IPO11: variants seen among roughly 807,000 people sequenced by gnomAD.
IPO11 encodes the protein importin 11.
IPO11 carries 66 observed loss-of-function variants against 143.2 expected under a neutral mutation model. The observed-to-expected ratio is 0.46, with a 90% CI of 0.38 to 0.57. The LOEUF is 0.57. Among genes scored for constraint, IPO11 ranks in the 20% least tolerant of loss-of-function variants. The pLI, the probability that IPO11 is intolerant of heterozygous loss-of-function variation, is 0.00. For synonymous variants in IPO11, 385 were observed against 377.8 expected, an observed-to-expected ratio of 1.02 and a Z score of -0.22; for missense variants, 1,026 against 1,141.0, an observed-to-expected ratio of 0.90 and a Z score of 1.45.
At chr5:62,431,961 A>G (rs948061780) in intron 1 of IPO11, among the ~76,000 whole-genome samples, 5 of 151,558 alleles carry the variant, frequency 3.3e-5, no homozygotes, top group Non-Finnish European at 7.4e-5. Context: ...ACATACATAC[A>G]TACATACATA....
intron 27 of IPO11, among the ~76,000 whole-genome samples, chr5:62,574,097 G>C (rs1191750928): frequency 6.6e-6 from 1 of 152,158 alleles, no homozygotes; most frequent in Non-Finnish European, 1.5e-5. Flanking sequence ...AATACAAACA[G>C]TGACTCCCAA....
At chr5:62,511,277 G>A (rs1465357631) in intron 19 of IPO11, among the ~76,000 whole-genome samples, 1 of 151,980 alleles carries the variant, frequency 6.6e-6, no homozygotes, top group African/African-American at 2.4e-5. Flanking sequence ...AGATTGTGTT[G>A]TCATATGCTT....
chr5:62,447,820 C>G (rs1285263302), intron 3 of IPO11, among the ~76,000 whole-genome samples: 1 of 152,118 alleles, frequency 6.6e-6, no homozygotes, highest in Non-Finnish European at 1.5e-5. Context: ...CTCCTGAGCT[C>G]AAGCAGTCCA....
intron 5 of IPO11, among the ~76,000 whole-genome samples, chr5:62,453,233 G>C (rs1392622158): frequency 6.6e-6 from 1 of 150,836 alleles, no homozygotes; most frequent in Non-Finnish European, 1.5e-5. Flanking sequence ...GCTTTTCCTT[G>C]GGAGCTTCCA....
intron 27 of IPO11, among the ~76,000 whole-genome samples, chr5:62,585,609 T>C (rs1744744257): frequency 6.6e-6 from 1 of 152,276 alleles, no homozygotes; most frequent in Non-Finnish European, 1.5e-5. Context: ...GGAAAGTTAC[T>C]GAAAGGTATA....
chr5:62,551,019 GTATATA>G (rs373267363), intron 25 of IPO11, among the ~76,000 whole-genome samples, 198 bp from the exon 26 acceptor site: 1 of 144,334 alleles, frequency 6.9e-6, no homozygotes, highest in Non-Finnish European at 1.5e-5. Context: ...TCTCTTTATT[GTATATA>G]TATATATATA....
chr5:62,439,123 G>T (rs1198912951), intron 2 of IPO11, among the ~76,000 whole-genome samples: 2 of 150,822 alleles, frequency 1.3e-5, no homozygotes, highest in East Asian at 3.9e-4. Flanking sequence ...AAATGAATAT[G>T]CTCTATAATT....
intron 22 of IPO11, among the ~76,000 whole-genome samples, chr5:62,535,702 A>C (rs975726233): frequency 6.6e-6 from 1 of 152,160 alleles, no homozygotes; most frequent in African/African-American, 2.4e-5. Flanking sequence ...CTTTTGTGAA[A>C]ATAAATGGAA....
chr5:62,448,586 C>T lies in IPO11; in HGVS notation c.240-1341C>T, dbSNP rs114111843. Reference sequence around the variant, plus strand: ...TGTTTTTAGAGACAGGGTCTTGCTCCGTTGCCCAGGCTGGAATGCAGTGGC... The same window carrying T: ...TGTTTTTAGAGACAGGGTCTTGCTCTGTTGCCCAGGCTGGAATGCAGTGGC... On this transcript the variant is annotated intron_variant, in intron 3 of 29. Coordinates refer to ENST00000325324, the MANE Select transcript of IPO11 (RefSeq NM_016338.5). 6.6e-3 allele frequency among the ~76,000 whole-genome samples: 1,003 copies of T among 152,134 alleles called. 19 individuals carry two copies. The highest frequency in any genetic ancestry group is 0.023 in the African/African-American group (959 of 41,508).
intron 24 of IPO11, among the ~76,000 whole-genome samples, chr5:62,548,651 T>C (rs1281647567): frequency 1.3e-5 from 2 of 152,150 alleles, no homozygotes; most frequent in Non-Finnish European, 2.9e-5. Flanking sequence ...TCTTTCTTCT[T>C]ATTTTTAGCT....
Position 62,526,274 on chromosome 5 carries a change from A to T in IPO11, c.2012+17A>T, listed in dbSNP as rs1370946043. On this transcript the variant is annotated intron_variant, in intron 21 of 29. Coordinates refer to ENST00000325324, the MANE Select transcript of IPO11 (RefSeq NM_016338.5). Reference sequence around the variant, plus strand: ...AGAATTATGGTAAGAGGAAAAACTTAATACCATGGATCTTATTTTATTCGT... The same window carrying T: ...AGAATTATGGTAAGAGGAAAAACTTTATACCATGGATCTTATTTTATTCGT... 1 of 1,497,984 alleles carries T rather than the reference A, an allele frequency of 6.7e-7. No homozygotes were observed. Among genetic ancestry groups the T allele is most frequent in the Non-Finnish European group, 9.3e-7 (1 of 1,074,848 alleles). 92.8% of individuals were successfully genotyped at this position (1,497,984 alleles called of 1,614,324 possible). A position where few individuals can be genotyped will look rare whatever the true frequency, so the allele number is the denominator to read the frequency against.
intron 20 of IPO11, 44 bp downstream of exon 20, chr5:62,515,545 A>C (rs201826114): frequency 7.7e-7 from 1 of 1,296,204 alleles, no homozygotes; most frequent in East Asian, 2.5e-5. Flanking sequence ...AGTGGTTTTT[A>C]AAAAATTCTT....
At chr5:62,426,606 A>G (rs1018117142) in intron 1 of IPO11, among the ~76,000 whole-genome samples, 1 of 152,112 alleles carries the variant, frequency 6.6e-6, no homozygotes, top group African/African-American at 2.4e-5. Flanking sequence ...TCTAATTCCT[A>G]TGGAAATTTA....
chr5:62,606,260 C>T (rs1342535343), intron 29 of IPO11, among the ~76,000 whole-genome samples: 1 of 149,534 alleles, frequency 6.7e-6, no homozygotes, highest in African/African-American at 2.5e-5. Context: ...GTGGGCAAAT[C>T]GCTTGAGCCT....
chr5:62,476,199 A>T (rs150755472), intron 8 of IPO11, among the ~76,000 whole-genome samples: 219 of 152,344 alleles, frequency 1.4e-3, no homozygotes, highest in African/African-American at 5.1e-3. Context: ...ACAAATTAAC[A>T]AACAGAATAT....
chr5:62,498,028 T>TTG (rs1554051320), intron 16 of IPO11, among the ~76,000 whole-genome samples: 17 of 151,578 alleles, frequency 1.1e-4, no homozygotes, highest in Admixed American at 3.9e-4. Flanking sequence ...GTTTTTTTTT[T>TTG]TTGTTGTTGT....
At chr5:62,467,767 G>T (rs1312922799) in intron 6 of IPO11, among the ~76,000 whole-genome samples, 1 of 152,126 alleles carries the variant, frequency 6.6e-6, no homozygotes, top group Non-Finnish European at 1.5e-5. Context: ...TATGTTGCTT[G>T]CAGGCATTCC....
intron 26 of IPO11, among the ~76,000 whole-genome samples, chr5:62,554,703 A>C (rs12171523): frequency 7.3e-4 from 96 of 132,068 alleles, no homozygotes; most frequent in Middle Eastern, 4.1e-3. Flanking sequence ...TGTTATACAG[A>C]CACACACTTT....
chr5:62,602,911 C>T (rs1324933859), intron 29 of IPO11, among the ~76,000 whole-genome samples: 6 of 152,072 alleles, frequency 3.9e-5, no homozygotes, highest in East Asian at 3.9e-4. Context: ...CTGTGAAAAG[C>T]GGCAGAAATT....
Sources: gnomAD v4.1 joint callset for allele counts (sites outside exome capture counted in the v4.1 genomes callset) on GRCh38, gnomAD v4.1.1 for gene constraint, MANE v1.5 for transcripts, NCBI Gene and HGNC (gene_info 2026-07-23, HGNC 2026-07-21) for gene names.